Variants in TRIO observed in about 807,000 individuals in gnomAD.
The protein encoded by TRIO is trio Rho guanine nucleotide exchange factor, also known as triple functional domain protein.
Under a neutral mutation model 351.9 loss-of-function variants are expected in TRIO, and 58 were observed. The observed-to-expected ratio is 0.16, with a 90% confidence interval of 0.13 to 0.21. The LOEUF (loss-of-function observed/expected upper bound fraction) is 0.21. TRIO is among the 10% of genes least tolerant of loss of function. The pLI, the probability that TRIO is intolerant of heterozygous loss-of-function variation, is 1.00. For missense variants in TRIO, 3,201 were observed against 4,027.8 expected (o/e 0.79, Z 5.56); for synonymous variants, 1,758 against 1,595.7 (o/e 1.10, Z -2.42).
Position 14,508,245 on chromosome 5 carries a change from C to T in TRIO, c.9117C>T (p.Pro3039=). The change falls in exon 57 of 57, where the codon CCC becomes CCT. Residue 3039 remains proline (P), a synonymous_variant. Coordinates refer to ENST00000344204, the MANE Select transcript of TRIO (RefSeq NM_007118.4). ...TGCAGGAGGACCCCGCCAAGCGTCC[C>T]TCGGCTGCGCTGGCCCTCCAGGAGC... ...FLLQEDPAKR[P]SAALALQEQW... is the part of the protein sequence containing the mutation. 1 of 1,614,074 alleles carries T rather than the reference C, an allele frequency of 6.2e-7. No homozygotes were observed. The highest frequency in any genetic ancestry group is 8.5e-7 in the Non-Finnish European group (1 of 1,180,046).
At chr5:14,220,046 CTTCT>C (rs1469364795) in intron 1 of TRIO, among the ~76,000 whole-genome samples, 1 of 95,498 alleles carries the variant, frequency 1.0e-5, no homozygotes, top group African/African-American at 4.1e-5. Context: ...TCCTCTTCTT[CTTCT>C]TTTTTTTTTT....
At chr5:14,386,472 C>T (rs2079867612) in intron 21 of TRIO, among the ~76,000 whole-genome samples, 1 of 152,138 alleles carries the variant, frequency 6.6e-6, no homozygotes, top group Non-Finnish European at 1.5e-5. Context: ...TGAACTCCGA[C>T]CTTCTTTCTT....
chr5:14,358,965 A>G (rs1218479189), intron 12 of TRIO, among the ~76,000 whole-genome samples: 1 of 152,242 alleles, frequency 6.6e-6, no homozygotes, highest in South Asian at 2.1e-4. Context: ...CAGTTACTTA[A>G]TAAAGGCTTA....
chr5:14,411,355 A>G (rs1749180260), intron 33 of TRIO, among the ~76,000 whole-genome samples: 1 of 152,218 alleles, frequency 6.6e-6, no homozygotes, highest in Non-Finnish European at 1.5e-5. Context: ...CTCAAACTGT[A>G]TTGTAGAACA....
In TRIO at chr5:14,387,475, C is replaced by T; in HGVS notation, c.3608C>T (p.Ala1203Val). ...AGAGTGAAGCTATTGATACAGCTGG[C>T]TGATGGCTTTTGTGAAAAAGGGCAT... ...KERVKLLIQL[A>V]DGFCEKGHAH... The change falls in exon 22 of 57, where the codon GCT (alanine) becomes GTT (valine). Residue 1203 changes from alanine (A) to valine (V), a missense_variant. Transcript: ENST00000344204. 1 of 1,613,600 alleles carries T rather than the reference C, an allele frequency of 6.2e-7. No homozygotes were observed. The highest frequency in any genetic ancestry group is 8.5e-7 in the Non-Finnish European group (1 of 1,179,674).
chr5:14,479,819 T>C, intron 42 of TRIO, 100 bp from the exon 43 acceptor site: 2 of 1,069,076 alleles, frequency 1.9e-6, no homozygotes, highest in Non-Finnish European at 2.7e-6. Flanking sequence ...CCTCGTTACT[T>C]TTACTGCCAG....
intron 8 of TRIO, among the ~76,000 whole-genome samples, chr5:14,305,338 C>T (rs925640971): frequency 1.2e-4 from 18 of 152,176 alleles, no homozygotes; most frequent in African/African-American, 4.3e-4. Flanking sequence ...CCACCCTTGC[C>T]CATGCCTTGT....
chr5:14,175,914 C>T (rs890037989), intron 1 of TRIO, among the ~76,000 whole-genome samples: 1 of 152,198 alleles, frequency 6.6e-6, no homozygotes, highest in Non-Finnish European at 1.5e-5. Context: ...ATTTCCTTTG[C>T]ATCAATACTG....
At chr5:14,181,114 TAG>T (rs1474622507) in intron 1 of TRIO, among the ~76,000 whole-genome samples, 3 of 152,036 alleles carry the variant, frequency 2.0e-5, no homozygotes, top group Middle Eastern at 3.4e-3. Flanking sequence ...ATTCTTCTAT[TAG>T]CTGTATTTCT....
intron 1 of TRIO, among the ~76,000 whole-genome samples, chr5:14,246,984 G>A (rs564091735): frequency 3.3e-5 from 5 of 152,130 alleles, no homozygotes; most frequent in Non-Finnish European, 7.4e-5. Context: ...TCCTGGCCTC[G>A]CTCCTTGGTG....
rs1753951624 is a variant in TRIO, at chr5:14,463,042, G to A, written c.5667+117G>A. 9.2e-6 allele frequency: 12 copies of A among 1,301,734 alleles called. No homozygotes were observed. In the South Asian group the frequency reaches 1.7e-4, roughly 19 times the overall value. 80.6% of individuals were successfully genotyped at this position (1,301,734 alleles called of 1,614,324 possible). A position where few individuals can be genotyped will look rare whatever the true frequency, so the allele number is the denominator to read the frequency against. Reference sequence around the variant, plus strand: ...ACAGGAGGCCCCAAGATGTGGAAAAGGGCAATGCAGTGCTCTTTCAGGCAG... The same window carrying A: ...ACAGGAGGCCCCAAGATGTGGAAAAAGGCAATGCAGTGCTCTTTCAGGCAG... On this transcript the variant is annotated intron_variant, in intron 36 of 56. Coordinates refer to ENST00000344204, the MANE Select transcript of TRIO (RefSeq NM_007118.4).
intron 16 of TRIO, among the ~76,000 whole-genome samples, chr5:14,368,132 C>T (rs920692154): frequency 9.9e-5 from 15 of 152,216 alleles, no homozygotes; most frequent in African/African-American, 3.6e-4. Context: ...GAGCAAAATC[C>T]TACTGCATTT....
intron 1 of TRIO, among the ~76,000 whole-genome samples, chr5:14,194,199 C>T (rs1017289114): frequency 1.3e-5 from 2 of 152,166 alleles, no homozygotes; most frequent in Admixed American, 1.3e-4. Flanking sequence ...TTTACTACTT[C>T]CTGGCATGTA....
At chr5:14,229,989 A>G (rs1182990087) in intron 1 of TRIO, among the ~76,000 whole-genome samples, 1 of 152,174 alleles carries the variant, frequency 6.6e-6, no homozygotes. Context: ...ATCCTAATGA[A>G]GGACTTGTGA....
chr5:14,201,440 T>C (rs1791103788), intron 1 of TRIO, among the ~76,000 whole-genome samples: 1 of 152,176 alleles, frequency 6.6e-6, no homozygotes, highest in Non-Finnish European at 1.5e-5. Flanking sequence ...ATTCCAACAC[T>C]AGTTAATTAC....
intron 1 of TRIO, chr5:14,183,981 T>C (rs1305211728): frequency 1.3e-5 from 9 of 697,784 alleles, no homozygotes; most frequent in Non-Finnish European, 2.4e-5. Flanking sequence ...TCCCAGACTT[T>C]AAAAAATACA....
chr5:14,339,937 C>T (rs1007457123), intron 11 of TRIO, among the ~76,000 whole-genome samples: 1 of 152,102 alleles, frequency 6.6e-6, no homozygotes, highest in African/African-American at 2.4e-5. Flanking sequence ...GCTAGATGGG[C>T]CTAGAAGAGG....
At position 14,487,547 on chromosome 5, in the gene TRIO, G is replaced by T; in HGVS notation, c.6919G>T (p.Gly2307Cys). 1 of 1,069,738 alleles carries T rather than the reference G, an allele frequency of 9.3e-7. No homozygotes were observed. The highest frequency in any genetic ancestry group is 6.5e-5 in the East Asian group (1 of 15,308). The allele number at this position is 1,069,738 out of a possible 1,614,324, so 66.3% of individuals were successfully genotyped here. A position where few individuals can be genotyped will look rare whatever the true frequency, so the allele number is the denominator to read the frequency against. Residue 2307 changes from glycine (G) to cysteine (C), a missense_variant, in exon 48 of 57, where the codon GGC (glycine) becomes TGC (cysteine). By Grantham distance (159) the Gly-to-Cys change is radical. Transcript: ENST00000344204. The stretch of plus-strand genomic sequence containing the variant: ...CAGCGGGGGCAGCGGCGGGGGTGGG[G>T]GCAGCGGCGGCGGCGGGGCCCCCAG... Reference protein sequence around the residue: ...GGSGGSGGGGGSGGGGAPSGG... With the variant: ...GGSGGSGGGGCSGGGGAPSGG...
At chr5:14,430,588 T>C (rs1751015405) in intron 34 of TRIO, among the ~76,000 whole-genome samples, 1 of 152,216 alleles carries the variant, frequency 6.6e-6, no homozygotes, top group Admixed American at 6.5e-5. Context: ...GGCTGGGCTG[T>C]TGATGGCTCT....
Sources: gnomAD v4.1 joint callset for allele counts (sites outside exome capture counted in the v4.1 genomes callset) on GRCh38, gnomAD v4.1.1 for gene constraint, MANE v1.5 for transcripts, NCBI Gene and HGNC (gene_info 2026-07-23, HGNC 2026-07-21) for gene names.